Variants in SCAI observed in about 807,000 individuals in gnomAD.
The protein encoded by SCAI is suppressor of cancer cell invasion, also known as protein SCAI.
A neutral mutation model predicts 92.2 loss-of-function variants in SCAI; 24 were observed. The ratio of observed to expected loss-of-function variants is 0.26; its 90% CI spans 0.19 to 0.37. SCAI has a LOEUF of 0.37. SCAI is among the 10% of genes least tolerant of loss of function. SCAI has a pLI of 1.00. For missense variants in SCAI, 450 were observed against 736.2 expected (o/e 0.61, Z 4.50); for synonymous variants, 261 against 258.6 (o/e 1.01, Z -0.09).
chr9:125,000,556 C>G (rs1407185983), intron 12 of SCAI, among the ~76,000 whole-genome samples: 1 of 150,598 alleles, frequency 6.6e-6, no homozygotes, highest in Non-Finnish European at 1.5e-5. Context: ...GAACTATGAT[C>G]ACACCATTGC....
At chr9:125,134,053 C>T (rs1835462651) in intron 2 of SCAI, among the ~76,000 whole-genome samples, 1 of 152,190 alleles carries the variant, frequency 6.6e-6, no homozygotes, top group Non-Finnish European at 1.5e-5. Flanking sequence ...CTCTTAAAAA[C>T]ATCTTTCTTT....
chr9:124,991,489 T>C (rs776055926), intron 14 of SCAI, among the ~76,000 whole-genome samples: 4 of 150,954 alleles, frequency 2.6e-5, no homozygotes, highest in African/African-American at 4.9e-5. Flanking sequence ...AAAACATATA[T>C]AGCAAAGAAA....
chr9:125,038,121 G>A (rs1286864219), intron 3 of SCAI, among the ~76,000 whole-genome samples: 1 of 152,098 alleles, frequency 6.6e-6, no homozygotes, highest in Admixed American at 6.5e-5. Context: ...GCCAGACATG[G>A]TGGCACAGGC....
chr9:125,022,607 C>A (rs1315739734), intron 6 of SCAI, among the ~76,000 whole-genome samples: 1 of 151,960 alleles, frequency 6.6e-6, no homozygotes, highest in African/African-American at 2.4e-5. Flanking sequence ...TTGTAGAAAT[C>A]GGGTCTTGCT....
intron 13 of SCAI, among the ~76,000 whole-genome samples, chr9:124,999,594 T>A (rs375062735): frequency 2.0e-5 from 3 of 152,198 alleles, no homozygotes; most frequent in African/African-American, 7.2e-5. Context: ...TATTTATTTA[T>A]GTATATATTT....
chr9:125,024,431 AC>A (rs1564383066), intron 6 of SCAI, among the ~76,000 whole-genome samples: 3 of 151,952 alleles, frequency 2.0e-5, no homozygotes, highest in African/African-American at 4.8e-5. Flanking sequence ...GCGTGCCACC[AC>A]GCCCGGCTAA....
intron 2 of SCAI, among the ~76,000 whole-genome samples, chr9:125,057,767 G>A (rs536144182): frequency 1.3e-5 from 2 of 152,304 alleles, no homozygotes; most frequent in African/African-American, 4.8e-5. Context: ...GCAGCAATGG[G>A]AGATTTGCTA....
intron 13 of SCAI, among the ~76,000 whole-genome samples, chr9:124,996,126 A>G (rs1297734120): frequency 2.0e-5 from 3 of 149,584 alleles, no homozygotes; most frequent in African/African-American, 7.4e-5. Context: ...TGACTTGTTA[A>G]TGCATACATG....
intron 2 of SCAI, among the ~76,000 whole-genome samples, chr9:125,094,028 TCA>T (rs1218990115): frequency 2.0e-5 from 3 of 152,076 alleles, no homozygotes; most frequent in Non-Finnish European, 4.4e-5. Context: ...CCTACTCTAT[TCA>T]CAGTCTTCCC....
chr9:124,957,110 G>A (rs1831328349), intron 17 of SCAI, among the ~76,000 whole-genome samples: 2 of 151,766 alleles, frequency 1.3e-5, no homozygotes, highest in Admixed American at 6.6e-5. Flanking sequence ...TGTTACCTCG[G>A]CCTCCCAGGT....
intron 2 of SCAI, among the ~76,000 whole-genome samples, chr9:125,113,736 G>A (rs1834978161): frequency 6.6e-6 from 1 of 151,352 alleles, no homozygotes; most frequent in African/African-American, 2.4e-5. Context: ...GCCAAGGCGG[G>A]CTGATCACCT....
At chr9:125,106,112 AAAAAAAAAAAATATATATATAT>A (rs1834776121) in intron 2 of SCAI, among the ~76,000 whole-genome samples, 1 of 48,538 alleles carries the variant, frequency 2.1e-5, no homozygotes, top group Non-Finnish European at 4.3e-5. Flanking sequence ...AAAAAAAAAA[AAAAAAAAAAAATATATATATAT>A]ATATATATAT....
intron 2 of SCAI, among the ~76,000 whole-genome samples, chr9:125,093,226 T>C (rs1834474843): frequency 6.6e-6 from 1 of 152,084 alleles, no homozygotes; most frequent in Admixed American, 6.6e-5. Context: ...CTGGGCATGG[T>C]GGTGCACGCC....
intron 2 of SCAI, among the ~76,000 whole-genome samples, chr9:125,110,270 C>T (rs1483636284): frequency 6.6e-6 from 1 of 152,118 alleles, no homozygotes; most frequent in African/African-American, 2.4e-5. Context: ...AATGGAAAAC[C>T]TAAACAATCC....
chr9:125,134,368 G>A (rs1435998802), intron 2 of SCAI, among the ~76,000 whole-genome samples: 3 of 151,948 alleles, frequency 2.0e-5, no homozygotes, highest in Non-Finnish European at 2.9e-5. Context: ...CCCCAACAAC[G>A]GCCACCTCAC....
Position 125,002,001 on chromosome 9 carries a change from T to C in SCAI, c.1108A>G (p.Thr370Ala), listed in dbSNP as rs867788647. 3 of 1,613,792 alleles carry C rather than the reference T, an allele frequency of 1.9e-6. No individual in the cohort carries two copies. Among genetic ancestry groups the C allele is most frequent in the African/African-American group, 2.7e-5 (2 of 74,924 alleles). ...GAACGACCTGTGGGGAAAACGCCAG[T>C]GGCCGACAGGTAAATCAGAAGCACG... Reference protein sequence around the residue: ...NSVLLIYLSATGVFPTGRSDS... With the variant: ...NSVLLIYLSAAGVFPTGRSDS... The change falls in exon 12 of 18, where the codon ACT (threonine) becomes GCT (alanine). Residue 370 changes from threonine (T) to alanine (A), a missense_variant. By Grantham distance (58) the Thr-to-Ala change is moderately conservative. Around this residue, in one of 3 missense-constraint regions of SCAI, gnomAD observed 360 missense variants for 601.8 expected, o/e 0.60. Coordinates refer to ENST00000336505, the MANE Select transcript of SCAI (RefSeq NM_001144877.3).
chr9:124,974,342 A>G lies in SCAI; in HGVS notation c.1399+1772T>C, dbSNP rs370846952. On this transcript the variant is annotated intron_variant, in intron 15 of 17. Coordinates refer to ENST00000336505, the MANE Select transcript of SCAI (RefSeq NM_001144877.3). ...GTATACCTGTGGTCCCAGCTACTTGAGAGGCTGAAGTGGGAGGATCACCTG... is the reference window on the plus strand; with the variant it reads ...GTATACCTGTGGTCCCAGCTACTTGGGAGGCTGAAGTGGGAGGATCACCTG... The G allele has an allele frequency of 1.7e-5, 6 of 360,156 alleles. No individual in the cohort carries two copies. The East Asian group carries it at 2.7e-4, about 16-fold the overall frequency. The allele number at this position is 360,156 out of a possible 1,614,324, so 22.3% of individuals were successfully genotyped here.
chr9:124,957,768 G>A lies in SCAI; in HGVS notation c.1675-4815C>T, dbSNP rs966011961. On this transcript the variant is annotated intron_variant, in intron 17 of 17. Transcript: ENST00000336505. ...ACGACCTCGGCTCACCACAACCTCC[G>A]CCTCCCGGGATCAAGTGATTCTCCC... Among the ~76,000 whole-genome samples, 16 of 149,410 alleles carry A rather than the reference G, an allele frequency of 1.1e-4. No individual in the cohort carries two copies. The East Asian group carries it at 2.2e-3, about 20-fold the overall frequency.
At position 125,060,194 on chromosome 9, in the gene SCAI, C is replaced by T. The variant is rs10986535; in HGVS notation, c.99-4187G>A. On this transcript the variant is annotated intron_variant, in intron 2 of 17. Coordinates refer to ENST00000336505, the MANE Select transcript of SCAI (RefSeq NM_001144877.3). ...ATTTGGCACTTGAAACATGGCTACT[C>T]TGAATTGAGATGTGCTATAAATGTG... Among the ~76,000 whole-genome samples, 9 of 149,414 alleles carry T rather than the reference C, an allele frequency of 6.0e-5. No individual in the cohort carries two copies. The South Asian group carries it at 1.9e-3, about 31-fold the overall frequency.
Sources: allele counts gnomAD v4.1 joint callset (sites outside exome capture counted in the v4.1 genomes callset), GRCh38; gene constraint gnomAD v4.1.1; regional missense constraint gnomAD v4.1.1; transcripts MANE v1.5; gene names NCBI Gene and HGNC (gene_info 2026-07-23, HGNC 2026-07-21).